Variants in NPAS2 observed in about 807,000 individuals in gnomAD.
NPAS2 encodes the protein neuronal PAS domain-containing protein 2.
In NPAS2, 23 loss-of-function variants were observed where a neutral mutation model predicts 107.5. The observed-to-expected ratio is 0.21, with a 90% CI of 0.15 to 0.30. The LOEUF (loss-of-function observed/expected upper bound fraction) is 0.30. Among genes scored for constraint, NPAS2 ranks in the 10% least tolerant of loss-of-function variants. NPAS2 has a pLI of 1.00. For synonymous variants in NPAS2, 403 were observed against 417.5 expected (o/e 0.97, Z 0.42); for missense variants, 756 against 1,043.3 (o/e 0.72, Z 3.79).
chr2:100,932,413 C>A (rs1008611776), intron 3 of NPAS2, among the ~76,000 whole-genome samples: 1 of 152,162 alleles, frequency 6.6e-6, no homozygotes, highest in Admixed American at 6.5e-5. Flanking sequence ...AATGGAAATG[C>A]TGAAAAATAT....
At chr2:100,985,941 T>C (rs972708248) in intron 16 of NPAS2, 2 of 152,224 alleles carry the variant, frequency 1.3e-5, no homozygotes, top group Non-Finnish European at 2.9e-5. Flanking sequence ...ATTCAAACTC[T>C]AATCAAAAGG....
At chr2:100,901,182 C>T (rs2104754431) in intron 1 of NPAS2, among the ~76,000 whole-genome samples, 1 of 152,124 alleles carries the variant, frequency 6.6e-6, no homozygotes, top group East Asian at 1.9e-4. Context: ...CCAAGAGGGA[C>T]AGTGTGGTTA....
At chr2:100,822,895 C>G (rs1435006562) in intron 1 of NPAS2, 1 of 152,152 alleles carries the variant, frequency 6.6e-6, no homozygotes, top group Non-Finnish European at 1.5e-5. Context: ...TAGCAAGCAT[C>G]TAATTGAGTT....
At chr2:100,913,539 G>A (rs1682681648) in intron 2 of NPAS2, among the ~76,000 whole-genome samples, 1 of 152,132 alleles carries the variant, frequency 6.6e-6, no homozygotes, top group Non-Finnish European at 1.5e-5. Context: ...TTTCCCAATG[G>A]ATACCAGAGA....
At chr2:100,904,603 G>T (rs1052027550) in intron 1 of NPAS2, 130 bp from the exon 2 acceptor site, 2 of 661,442 alleles carry the variant, frequency 3.0e-6, no homozygotes, top group African/African-American at 3.7e-5. Context: ...GTAAAGGGGT[G>T]CCAGGACCAA....
At chr2:100,929,185 G>A (rs1466075666) in intron 3 of NPAS2, among the ~76,000 whole-genome samples, 1 of 152,156 alleles carries the variant, frequency 6.6e-6, no homozygotes, top group African/African-American at 2.4e-5. Context: ...GATCACAGAC[G>A]TGAGCCACTG....
At position 100,963,390 on chromosome 2, in the gene NPAS2, G is replaced by GTTTGTTTTGTTTTGTTTTGT. The variant is rs552393797; in HGVS notation, c.599-655_599-636dup. 3.3e-3 allele frequency among the ~76,000 whole-genome samples: 489 copies of GTTTGTTTTGTTTTGTTTTGT among 149,114 alleles called. 3 individuals are homozygous for GTTTGTTTTGTTTTGTTTTGT. The highest frequency in any genetic ancestry group is 0.012 in the African/African-American group (451 of 38,918). Reference sequence around the variant, plus strand: ...AATGAGGCTGTCTTCTCTTTTTTTTGTTTGTTTTGTTTTGTTTTGTTTTGT... The same window carrying GTTTGTTTTGTTTTGTTTTGT: ...AATGAGGCTGTCTTCTCTTTTTTTTGTTTGTTTTGTTTTGTTTTGTTTTGTTTTGTTTTGTTTTGTTTTGT... On this transcript the variant is annotated intron_variant, in intron 7 of 20. Coordinates refer to ENST00000335681, the MANE Select transcript of NPAS2 (RefSeq NM_002518.4).
chr2:100,892,715 T>C (rs1558846838), intron 1 of NPAS2, among the ~76,000 whole-genome samples: 1 of 152,168 alleles, frequency 6.6e-6, no homozygotes, highest in Non-Finnish European at 1.5e-5. Flanking sequence ...GAAATTTATT[T>C]TTTATTTTAT....
intron 3 of NPAS2, among the ~76,000 whole-genome samples, chr2:100,929,720 C>T (rs1004445202): frequency 2.0e-5 from 3 of 152,116 alleles, no homozygotes; most frequent in Non-Finnish European, 4.4e-5. Flanking sequence ...GGTGGAGAGC[C>T]TTTCACCAGC....
chr2:100,857,298 CA>C (rs11312399), intron 1 of NPAS2, among the ~76,000 whole-genome samples: 17,383 of 87,862 alleles, frequency 0.2, 2,214 homozygotes, highest in African/African-American at 0.43. Context: ...AACTCCTTCT[CA>C]AAAAAAAAAA....
intron 2 of NPAS2, among the ~76,000 whole-genome samples, chr2:100,909,814 A>G (rs1285028100): frequency 6.6e-6 from 1 of 151,956 alleles, no homozygotes; most frequent in Non-Finnish European, 1.5e-5. Context: ...CGATTCGTGT[A>G]TATTACCTTG....
chr2:100,918,141 A>G (rs1022300813), intron 2 of NPAS2, among the ~76,000 whole-genome samples: 2 of 151,904 alleles, frequency 1.3e-5, no homozygotes, highest in East Asian at 1.9e-4. Flanking sequence ...TCAAAAATCA[A>G]TGTAATCCGT....
chr2:100,833,455 G>T (rs1676867707), intron 1 of NPAS2, among the ~76,000 whole-genome samples: 1 of 152,200 alleles, frequency 6.6e-6, no homozygotes, highest in South Asian at 2.1e-4. Context: ...CTTCTTGAAT[G>T]AAGTACTTGG....
chr2:100,928,927 A>G (rs1683758232), intron 3 of NPAS2, among the ~76,000 whole-genome samples: 1 of 152,012 alleles, frequency 6.6e-6, no homozygotes. Flanking sequence ...TTTGGGAGAC[A>G]GAGTCTTGGT....
chr2:100,927,275 T>C (rs1683640345), intron 3 of NPAS2, among the ~76,000 whole-genome samples: 1 of 152,166 alleles, frequency 6.6e-6, no homozygotes, highest in African/African-American at 2.4e-5. Context: ...AGCATAGATA[T>C]TTGATCCATT....
At chr2:100,903,793 C>T (rs534847737) in intron 1 of NPAS2, among the ~76,000 whole-genome samples, 1 of 152,146 alleles carries the variant, frequency 6.6e-6, no homozygotes, top group South Asian at 2.1e-4. Context: ...AACGGTTCTG[C>T]TTGATGTGCT....
At chr2:100,880,982 G>C (rs982421406) in intron 1 of NPAS2, among the ~76,000 whole-genome samples, 8 of 152,172 alleles carry the variant, frequency 5.3e-5, no homozygotes, top group African/African-American at 1.9e-4. Flanking sequence ...CCTGTCGGGT[G>C]CTGCACTCAA....
At chr2:100,919,424 C>T (rs1683087252) in intron 2 of NPAS2, among the ~76,000 whole-genome samples, 1 of 152,060 alleles carries the variant, frequency 6.6e-6, no homozygotes, top group African/African-American at 2.4e-5. Flanking sequence ...CCACCGTCAG[C>T]GTCACTTTTT....
chr2:100,896,884 T>C (rs1466337331), intron 1 of NPAS2, among the ~76,000 whole-genome samples: 1 of 152,026 alleles, frequency 6.6e-6, no homozygotes, highest in Non-Finnish European at 1.5e-5. Flanking sequence ...GCACCTAATA[T>C]GGGTAAGGAG....
Sources: gnomAD v4.1 joint callset for allele counts (sites outside exome capture counted in the v4.1 genomes callset) on GRCh38, gnomAD v4.1.1 for gene constraint, MANE v1.5 for transcripts, NCBI Gene and HGNC (gene_info 2026-07-23, HGNC 2026-07-21) for gene names.